The following OR3A2 variants were observed in gnomAD, a reference collection of about 807,000 sequenced individuals.
The protein encoded by OR3A2 is olfactory receptor family 3 subfamily A member 2.
For synonymous variants in OR3A2, 126 were observed against 159.3 expected (o/e 0.79, Z 1.57); for missense variants, 318 against 392.8 (o/e 0.81, Z 1.61).
chr17:3,285,170 G>T (rs1295715642), upstream of OR3A2, among the ~76,000 whole-genome samples: 2 of 152,110 alleles, frequency 1.3e-5, no homozygotes, highest in African/African-American at 4.8e-5. Flanking sequence ...GAAGGTGGCA[G>T]GTTAATGAAC....
intron 2 of OR3A2, among the ~76,000 whole-genome samples, chr17:3,336,574 C>A (rs1209151980): frequency 6.6e-6 from 1 of 152,090 alleles, no homozygotes; most frequent in African/African-American, 2.4e-5. Flanking sequence ...GGTAGCCAAC[C>A]AAGAGAGATG....
chr17:3,322,471 C>A (rs1193867488), intron 3 of OR3A2, among the ~76,000 whole-genome samples: 1 of 152,128 alleles, frequency 6.6e-6, no homozygotes, highest in Non-Finnish European at 1.5e-5. Context: ...GTTAGGGCAT[C>A]AATTTTAGAT....
At chr17:3,353,506 T>C (rs2049437910) in intron 2 of OR3A2, among the ~76,000 whole-genome samples, 1 of 151,858 alleles carries the variant, frequency 6.6e-6, no homozygotes, top group East Asian at 1.9e-4. Flanking sequence ...GGATCTGTCA[T>C]ATACATGGCT....
intron 2 of OR3A2, among the ~76,000 whole-genome samples, chr17:3,352,416 G>C (rs1449928092): frequency 2.0e-5 from 3 of 151,842 alleles, no homozygotes; most frequent in East Asian, 3.9e-4. Context: ...AATCCATTTT[G>C]ATTTGATTTT....
rs1164663358 is a variant in OR3A2 at position 3,323,959 on chromosome 17, A to G, written c.-85+12074T>C. Among the ~76,000 whole-genome samples the G allele has an allele frequency of 5.9e-5, 9 of 152,230 alleles. No individual in the cohort carries two copies. The East Asian group carries it at 1.7e-3, about 29-fold the overall frequency. Reference sequence around the variant, plus strand: ...ATAATATCCTGCACAGTGTTTTCCAACTTGGTTCCATTCTCCCCGTCATTT... The same window carrying G: ...ATAATATCCTGCACAGTGTTTTCCAGCTTGGTTCCATTCTCCCCGTCATTT... On this transcript the variant is annotated intron_variant, in intron 3 of 4. Transcript: ENST00000573491.
Position 3,311,261 on chromosome 17 carries a change from A to T in OR3A2, c.-85+24772T>A, listed in dbSNP as rs1316099437. The T allele has an allele frequency of 3.7e-6, 2 of 535,504 alleles. No individual in the cohort carries two copies. The highest frequency in any genetic ancestry group is 2.8e-5 in the South Asian group (2 of 71,604). 33.2% of individuals were successfully genotyped at this position (535,504 alleles called of 1,614,324 possible). ...ATGCTGGCGTGTCTCCAGGCCCACCAGTGCAGAGTTCCCTATGCTGCCTGC... is the reference window on the plus strand; with the variant it reads ...ATGCTGGCGTGTCTCCAGGCCCACCTGTGCAGAGTTCCCTATGCTGCCTGC... On this transcript the variant is annotated intron_variant, in intron 3 of 4. Coordinates refer to the OR3A2 transcript ENST00000573491. The surrounding 1 kb of genome is among the most constrained non-coding windows in gnomAD (Gnocchi z 4.6).
chr17:3,316,589 A>T (rs1298106504), intron 3 of OR3A2, among the ~76,000 whole-genome samples: 1 of 152,238 alleles, frequency 6.6e-6, no homozygotes, highest in East Asian at 1.9e-4. Context: ...CTGTGTTCTC[A>T]TTTGAATTTT....
chr17:3,334,950 C>G (rs978360312), intron 3 of OR3A2, among the ~76,000 whole-genome samples: 1 of 152,180 alleles, frequency 6.6e-6, no homozygotes, highest in African/African-American at 2.4e-5. Context: ...AGGAAGGTGA[C>G]AGTTTGTCTC....
chr17:3,312,941 T>C (rs1422992408), intron 3 of OR3A2, among the ~76,000 whole-genome samples: 1 of 152,130 alleles, frequency 6.6e-6, no homozygotes. Context: ...TTACTTTCAA[T>C]GGCAAAATAC....
At chr17:3,321,998 T>C (rs1161765384) in intron 3 of OR3A2, among the ~76,000 whole-genome samples, 1 of 152,150 alleles carries the variant, frequency 6.6e-6, no homozygotes, top group African/African-American at 2.4e-5. Flanking sequence ...CAGCTGTGAA[T>C]CCATCTGGTC....
At chr17:3,356,827 T>A (rs567337398) in intron 2 of OR3A2, among the ~76,000 whole-genome samples, 4 of 151,654 alleles carry the variant, frequency 2.6e-5, no homozygotes, top group Non-Finnish European at 5.9e-5. Context: ...TCCAACTGTC[T>A]CATCTTTCTA....
chr17:3,361,543 G>T (rs1399582756), intron 2 of OR3A2, among the ~76,000 whole-genome samples: 1 of 151,640 alleles, frequency 6.6e-6, no homozygotes, highest in Non-Finnish European at 1.5e-5. Flanking sequence ...TATGATATTG[G>T]CTGTGGGTTT....
chr17:3,345,434 G>GAT (rs1253514006), intron 2 of OR3A2, among the ~76,000 whole-genome samples: 1 of 90,844 alleles, frequency 1.1e-5, no homozygotes, highest in Non-Finnish European at 2.0e-5. Flanking sequence ...GAGAGAGAGA[G>GAT]AGAGATAGAG....
intron 2 of OR3A2, among the ~76,000 whole-genome samples, chr17:3,351,666 G>C (rs1468544788): frequency 2.1e-5 from 3 of 143,968 alleles, no homozygotes; most frequent in Non-Finnish European, 4.6e-5. Context: ...TTTCTTCACA[G>C]AATTGGAAAA....
intron 2 of OR3A2, among the ~76,000 whole-genome samples, chr17:3,341,666 A>G (rs1004182798): frequency 1.3e-5 from 2 of 152,132 alleles, no homozygotes; most frequent in East Asian, 3.9e-4. Flanking sequence ...TTTGTGGGTA[A>G]CCCGACCTTT....
At chr17:3,329,109 T>C (rs997858086) in intron 3 of OR3A2, among the ~76,000 whole-genome samples, 1 of 151,814 alleles carries the variant, frequency 6.6e-6, no homozygotes, top group African/African-American at 2.4e-5. Flanking sequence ...TGGATTCAGT[T>C]TGCCAGTATT....
intron 2 of OR3A2, among the ~76,000 whole-genome samples, chr17:3,381,417 G>C (rs1018904632): frequency 6.6e-6 from 1 of 151,366 alleles, no homozygotes; most frequent in African/African-American, 2.4e-5. Context: ...GCAGACACCT[G>C]CCTGACCTGG....
chr17:3,280,859 T>C (rs1265684227), intron 1 of OR3A2, among the ~76,000 whole-genome samples: 5 of 152,194 alleles, frequency 3.3e-5, no homozygotes, highest in Admixed American at 3.3e-4. Context: ...AAATGATGTT[T>C]AAATCCTTTG....
chr17:3,279,512 G>A (rs1002107975), intron 1 of OR3A2, among the ~76,000 whole-genome samples: 2 of 152,200 alleles, frequency 1.3e-5, no homozygotes, highest in South Asian at 4.1e-4. Flanking sequence ...ACATAACCCA[G>A]GCTGGGCGTG....
Sources: gnomAD v4.1 joint callset for allele counts (sites outside exome capture counted in the v4.1 genomes callset) on GRCh38, gnomAD v4.1.1 for gene constraint, Gnocchi (gnomAD v3.1) non-coding constraint, MANE v1.5 for transcripts, NCBI Gene and HGNC (gene_info 2026-07-23, HGNC 2026-07-21) for gene names.